SLAIN2: variants seen among roughly 807,000 people sequenced by gnomAD.
SLAIN2 encodes the protein SLAIN motif-containing protein 2.
Under a neutral mutation model 56.6 loss-of-function variants are expected in SLAIN2, and 31 were observed. That is an observed-to-expected ratio of 0.55 (90% CI 0.41 to 0.74). SLAIN2 has a LOEUF of 0.74. Ranked by LOEUF, SLAIN2 falls within the 30% of genes least tolerant of loss-of-function variation. The pLI, the probability that SLAIN2 is intolerant of heterozygous loss-of-function variation, is 0.00. For missense variants in SLAIN2, 777 were observed against 754.2 expected (o/e 1.03, Z -0.35); for synonymous variants, 317 against 284.9 (o/e 1.11, Z -1.13).
intron 2 of SLAIN2, among the ~76,000 whole-genome samples, chr4:48,371,180 A>C (rs1227083231): frequency 2.7e-5 from 4 of 147,762 alleles, no homozygotes; most frequent in African/African-American, 1.0e-4. Context: ...ATCTTGGCTC[A>C]CTGCAGCCTC....
At chr4:48,343,517 T>C (rs1033715404) in intron 1 of SLAIN2, among the ~76,000 whole-genome samples, 2 of 152,228 alleles carry the variant, frequency 1.3e-5, no homozygotes, top group African/African-American at 4.8e-5. Flanking sequence ...AACTAAGTTT[T>C]GTGCAGTTAA....
At chr4:48,360,957 C>G (rs546663738) in intron 1 of SLAIN2, among the ~76,000 whole-genome samples, 1 of 152,304 alleles carries the variant, frequency 6.6e-6, no homozygotes, top group East Asian at 1.9e-4. Flanking sequence ...TTTTAAATGT[C>G]TCTTTTCAAA....
chr4:48,400,490 C>T (rs1188152332), intron 6 of SLAIN2, among the ~76,000 whole-genome samples: 4 of 149,114 alleles, frequency 2.7e-5, no homozygotes, highest in Non-Finnish European at 5.9e-5. Flanking sequence ...TCCTCTGCTT[C>T]CTGGGTTCAA....
At chr4:48,368,189 C>T (rs1390322914) in intron 1 of SLAIN2, among the ~76,000 whole-genome samples, 3 of 151,702 alleles carry the variant, frequency 2.0e-5, no homozygotes, top group East Asian at 1.9e-4. Context: ...GCTGGAATTA[C>T]GGGTGCCCGC....
Position 48,400,388 on chromosome 4 carries a change from C to CT in SLAIN2, c.1360+16630dup, listed in dbSNP as rs3081372. ...TTCTGATTGTGTCTGTTTGATTCTT[C>CT]TTTTTTTTTTTTTTTTTTTTTTTTT... is the stretch of plus-strand genomic sequence containing the variant. On this transcript the variant is annotated intron_variant, in intron 6 of 7. Coordinates refer to ENST00000264313, the MANE Select transcript of SLAIN2 (RefSeq NM_020846.2). 2.2e-4 allele frequency among the ~76,000 whole-genome samples: 21 copies of CT among 96,452 alleles called. 1 individual carries two copies. The highest frequency in any genetic ancestry group is 5.9e-4 in the African/African-American group (14 of 23,548). The allele number at this position is 96,452 out of a possible 152,430, so 63.3% of individuals were successfully genotyped here.
intron 4 of SLAIN2, among the ~76,000 whole-genome samples, chr4:48,381,540 C>T (rs1027862823): frequency 7.2e-5 from 11 of 152,156 alleles, no homozygotes; most frequent in Non-Finnish European, 1.6e-4. Flanking sequence ...TGTTAGGTGA[C>T]TTTAGTGCCA....
At chr4:48,419,086 G>A (rs1717076681) in intron 6 of SLAIN2, among the ~76,000 whole-genome samples, 1 of 149,582 alleles carries the variant, frequency 6.7e-6, no homozygotes, top group African/African-American at 2.4e-5. Context: ...TCTTTGTGTG[G>A]ACATAAGCTT....
At chr4:48,386,072 C>T (rs1221806112) in intron 6 of SLAIN2, among the ~76,000 whole-genome samples, 2 of 142,398 alleles carry the variant, frequency 1.4e-5, no homozygotes, top group African/African-American at 5.2e-5. Context: ...CATGCTGCTG[C>T]ACTCCAGTCT....
chr4:48,383,277 A>G (rs1266821662), intron 5 of SLAIN2, among the ~76,000 whole-genome samples: 1 of 152,064 alleles, frequency 6.6e-6, no homozygotes, highest in Non-Finnish European at 1.5e-5. Context: ...TATTTCAGAT[A>G]AGTAAATCAA....
Position 48,341,705 on chromosome 4 carries a change from C to G in SLAIN2, c.-35C>G, listed in dbSNP as rs1490283689. 6.6e-7 allele frequency: 1 copy of G among 1,520,538 alleles called. No individual in the cohort carries two copies. Among genetic ancestry groups the G allele is most frequent in the African/African-American group, 1.4e-5 (1 of 69,998 alleles). The allele number at this position is 1,520,538 out of a possible 1,614,324, so 94.2% of individuals were successfully genotyped here. A position where few individuals can be genotyped will look rare whatever the true frequency, so the allele number is the denominator to read the frequency against. On this transcript the variant is annotated 5_prime_UTR_variant, in exon 1 of 8. Coordinates refer to ENST00000264313, the MANE Select transcript of SLAIN2 (RefSeq NM_020846.2). ...CTTTCCCTGTCGCTGCGAGAGCGAG[C>G]GGGCGGCGGAGGCGGCGGCGGCGGC...
At chr4:48,394,495 T>TTAA in intron 6 of SLAIN2, 1 of 1,084,280 alleles carries the variant, frequency 9.2e-7, no homozygotes, top group Non-Finnish European at 1.3e-6. Flanking sequence ...TAAGTTTGTA[T>TTAA]TAAAACATTC....
chr4:48,416,391 G>GTGTAGAGGGA (rs1553905312), intron 6 of SLAIN2, among the ~76,000 whole-genome samples: 2 of 117,404 alleles, frequency 1.7e-5, no homozygotes, highest in Non-Finnish European at 3.5e-5. Flanking sequence ...GAATGCTTGT[G>GTGTAGAGGGA]ATTTTTGTAC....
At chr4:48,346,802 A>AGGGGTGGGGGTATAATCTACAGCTCACT (rs1714878720) in intron 1 of SLAIN2, among the ~76,000 whole-genome samples, 1 of 149,454 alleles carries the variant, frequency 6.7e-6, no homozygotes, top group African/African-American at 2.5e-5. Flanking sequence ...TAGATGAATC[A>AGGGGTGGGGGTATAATCTACAGCTCACT]GAAGTTAGAC....
At chr4:48,374,489 C>T (rs1404724124) in intron 2 of SLAIN2, among the ~76,000 whole-genome samples, 1 of 152,158 alleles carries the variant, frequency 6.6e-6, no homozygotes, top group Non-Finnish European at 1.5e-5. Flanking sequence ...ATCCACCTGC[C>T]TTGGCCTCCC....
At chr4:48,390,298 T>TG (rs1716206586) in intron 6 of SLAIN2, among the ~76,000 whole-genome samples, 6 of 152,044 alleles carry the variant, frequency 3.9e-5, no homozygotes, top group African/African-American at 1.4e-4. Flanking sequence ...AGGCTGGTCT[T>TG]GAACTCCTCA....
chr4:48,368,416 T>C (rs1157898477), intron 1 of SLAIN2, among the ~76,000 whole-genome samples: 4 of 152,192 alleles, frequency 2.6e-5, no homozygotes, highest in Non-Finnish European at 5.9e-5. Flanking sequence ...TAACTATGTA[T>C]GTAGTACATG....
chr4:48,418,246 G>A (rs1717051871), intron 6 of SLAIN2, among the ~76,000 whole-genome samples: 1 of 151,836 alleles, frequency 6.6e-6, no homozygotes. Flanking sequence ...CCTGGTCTTA[G>A]GGGAGATGCA....
chr4:48,346,813 A>G (rs979741386), intron 1 of SLAIN2, among the ~76,000 whole-genome samples: 1 of 147,880 alleles, frequency 6.8e-6, no homozygotes, highest in Non-Finnish European at 1.5e-5. Flanking sequence ...GAAGTTAGAC[A>G]TCTAATAAGC....
intron 6 of SLAIN2, among the ~76,000 whole-genome samples, chr4:48,400,613 A>G (rs1406706938): frequency 6.6e-6 from 1 of 151,510 alleles, no homozygotes; most frequent in Non-Finnish European, 1.5e-5. Context: ...TGTTGGCCAC[A>G]CTTGTCTTGA....
Sources: gnomAD v4.1 joint callset for allele counts (sites outside exome capture counted in the v4.1 genomes callset) on GRCh38, gnomAD v4.1.1 for gene constraint, MANE v1.5 for transcripts, NCBI Gene and HGNC (gene_info 2026-07-23, HGNC 2026-07-21) for gene names.